The following CEP128 variants were observed in gnomAD, a reference collection of about 807,000 sequenced individuals.
CEP128 encodes centrosomal protein 128kDa.
Under a neutral mutation model 156.7 loss-of-function variants are expected in CEP128, and 132 were observed. That is an observed-to-expected ratio of 0.84 (90% CI 0.73 to 0.97). The LOEUF is 0.97. Among genes scored for constraint, CEP128 ranks in the 50% least tolerant of loss-of-function variants. The pLI is 0.00. For missense variants in CEP128, 1,252 were observed against 1,281.9 expected, an observed-to-expected ratio of 0.98 and a Z score of 0.36; for synonymous variants, 469 against 448.9, an observed-to-expected ratio of 1.04 and a Z score of -0.57.
At chr14:80,824,855 C>CA (rs1330490602) in intron 13 of CEP128, among the ~76,000 whole-genome samples, 4 of 152,284 alleles carry the variant, frequency 2.6e-5, no homozygotes, top group African/African-American at 9.6e-5. Flanking sequence ...GTATCTATAG[C>CA]AGCTCTCCAC....
At chr14:80,626,449 C>T (rs1359895392) in intron 19 of CEP128, among the ~76,000 whole-genome samples, 14 of 119,894 alleles carry the variant, frequency 1.2e-4, no homozygotes, top group South Asian at 2.8e-4. Flanking sequence ...CCGGCCTGGG[C>T]GACAGAGCGA....
At chr14:80,498,776 C>T (rs1887608785) in intron 24 of CEP128, among the ~76,000 whole-genome samples, 1 of 152,158 alleles carries the variant, frequency 6.6e-6, no homozygotes, top group African/African-American at 2.4e-5. Flanking sequence ...ATGACATCAC[C>T]TTGCCTGTCC....
intron 19 of CEP128, among the ~76,000 whole-genome samples, chr14:80,599,820 A>C (rs1002309450): frequency 2.6e-5 from 4 of 152,176 alleles, no homozygotes; most frequent in Non-Finnish European, 5.9e-5. Context: ...CAAAATGGAA[A>C]ATTTTAATAA....
Position 80,778,035 on chromosome 14 carries a change from T to C in CEP128, c.2223A>G (p.Leu741=). 1 of 1,612,800 alleles carries C rather than the reference T, an allele frequency of 6.2e-7. No homozygotes were observed. Among genetic ancestry groups the C allele is most frequent in the Non-Finnish European group, 8.5e-7 (1 of 1,179,754 alleles). ...NHIRTLKAES[L]EEKNMAKIHR... Reference sequence around the variant, plus strand: ...GAATTTTAGCCATATTCTTCTCTTCTAAACTTTCAGCCTGAGAAAAAGAGA... The same window carrying C: ...GAATTTTAGCCATATTCTTCTCTTCCAAACTTTCAGCCTGAGAAAAAGAGA... Residue 741 remains leucine, a synonymous_variant, in exon 16 of 25, where the codon TTA becomes TTG. Transcript: ENST00000555265.
intron 13 of CEP128, among the ~76,000 whole-genome samples, chr14:80,793,786 C>G (rs1420068804): frequency 6.6e-6 from 1 of 151,936 alleles, no homozygotes; most frequent in Non-Finnish European, 1.5e-5. Flanking sequence ...TTCCCTGAAG[C>G]CAGGATGGTG....
chr14:80,619,387 C>CAA (rs890415202), intron 19 of CEP128, among the ~76,000 whole-genome samples: 4 of 151,366 alleles, frequency 2.6e-5, no homozygotes, highest in Non-Finnish European at 5.9e-5. Flanking sequence ...CACACACACA[C>CAA]ACACACACAC....
chr14:80,836,213 A>G lies in CEP128; in HGVS notation c.1049T>C (p.Phe350Ser). 6.2e-7 allele frequency: 1 copy of G among 1,613,940 alleles called. No individual in the cohort carries two copies. The highest frequency in any genetic ancestry group is 1.3e-5 in the African/African-American group (1 of 75,008). ...TACAAATCTACTTTTACCTCTCCTA[A>G]ATCTCCAGTCCTCCCCTTGTTCATC... ...YQDEQGEDWR[F>S]RRGVEREKQD... The change falls in exon 12 of 25, where the codon TTT becomes TCT. Residue 350 changes from phenylalanine (F) to serine (S), a missense_variant. By Grantham distance (155) the Phe-to-Ser change is radical. Transcript: ENST00000555265.
chr14:80,929,177 T>G (rs1042258478), intron 2 of CEP128, among the ~76,000 whole-genome samples: 1 of 152,204 alleles, frequency 6.6e-6, no homozygotes, highest in Non-Finnish European at 1.5e-5. Flanking sequence ...AGATACCATC[T>G]TATCCCAGCA....
At chr14:80,857,896 G>C (rs572522319) in intron 9 of CEP128, among the ~76,000 whole-genome samples, 1 of 152,206 alleles carries the variant, frequency 6.6e-6, no homozygotes, top group East Asian at 1.9e-4. Flanking sequence ...ACTTCCATGA[G>C]ATAACCAAAC....
chr14:80,544,596 G>A (rs1382896355), intron 21 of CEP128, among the ~76,000 whole-genome samples: 1 of 152,168 alleles, frequency 6.6e-6, no homozygotes, highest in Non-Finnish European at 1.5e-5. Flanking sequence ...CGGCTTGCAA[G>A]TTGTGCAAAA....
intron 24 of CEP128, among the ~76,000 whole-genome samples, chr14:80,501,365 T>C (rs1887725361): frequency 6.6e-6 from 1 of 152,064 alleles, no homozygotes; most frequent in Admixed American, 6.6e-5. Context: ...AACAACAACA[T>C]TGGATTTTGG....
At chr14:80,632,105 A>G (rs1056258860) in intron 19 of CEP128, among the ~76,000 whole-genome samples, 3 of 152,130 alleles carry the variant, frequency 2.0e-5, no homozygotes, top group Admixed American at 1.3e-4. Flanking sequence ...TATACCTGAA[A>G]AGCAATAGCA....
chr14:80,832,277 C>T (rs568837739), intron 12 of CEP128, among the ~76,000 whole-genome samples: 5 of 151,962 alleles, frequency 3.3e-5, no homozygotes. Context: ...TAATACACAT[C>T]CCAAGAATAG....
At chr14:80,949,711 A>G (rs1886421896) in intron 2 of CEP128, among the ~76,000 whole-genome samples, 1 of 152,230 alleles carries the variant, frequency 6.6e-6, no homozygotes, top group African/African-American at 2.4e-5. Context: ...AAAGTAATTT[A>G]CATCTGACGA....
rs1887506590 is a variant in CEP128, at chr14:80,496,626, T to G, written c.*853A>C. Reference sequence around the variant, plus strand: ...ATCAGCGTGTAAAGGGAATACGTTCTTAGACACTTTGATGAAAAAAGTTGG... The same window carrying G: ...ATCAGCGTGTAAAGGGAATACGTTCGTAGACACTTTGATGAAAAAAGTTGG... On this transcript the variant is annotated 3_prime_UTR_variant, in exon 25 of 25. Coordinates refer to ENST00000555265, the MANE Select transcript of CEP128 (RefSeq NM_152446.5). The G allele has an allele frequency of 6.6e-6, 1 of 152,426 alleles. No homozygotes were observed. Among genetic ancestry groups the G allele is most frequent in the Non-Finnish European group, 1.5e-5 (1 of 68,000 alleles). The allele number at this position is 152,426 out of a possible 1,614,324, so 9.4% of individuals were successfully genotyped here. A position where few individuals can be genotyped will look rare whatever the true frequency, so the allele number is the denominator to read the frequency against.
intron 16 of CEP128, among the ~76,000 whole-genome samples, chr14:80,773,604 A>G (rs537280178): frequency 6.6e-6 from 1 of 152,310 alleles, no homozygotes; most frequent in African/African-American, 2.4e-5. Context: ...TTAATTACAT[A>G]GGGTGCAGAT....
intron 16 of CEP128, among the ~76,000 whole-genome samples, chr14:80,764,347 A>T (rs1206037511): frequency 6.6e-6 from 1 of 151,032 alleles, no homozygotes; most frequent in Non-Finnish European, 1.5e-5. Flanking sequence ...AAATACAAAA[A>T]AATTAGCCGG....
At chr14:80,907,655 T>G (rs1463010866) in intron 4 of CEP128, among the ~76,000 whole-genome samples, 1 of 131,202 alleles carries the variant, frequency 7.6e-6, no homozygotes, top group African/African-American at 3.0e-5. Context: ...GAGACTCTGT[T>G]TCAAAAAAAA....
chr14:80,547,997 A>G (rs1890057338), intron 21 of CEP128, among the ~76,000 whole-genome samples: 2 of 152,066 alleles, frequency 1.3e-5, no homozygotes, highest in South Asian at 4.1e-4. Context: ...ACGGGGTTTC[A>G]CCATGTTAGC....
Sources: gnomAD v4.1 joint callset for allele counts (sites outside exome capture counted in the v4.1 genomes callset) on GRCh38, gnomAD v4.1.1 for gene constraint, MANE v1.5 for transcripts, NCBI Gene and HGNC (gene_info 2026-07-23, HGNC 2026-07-21) for gene names.